The following USH2A variants were observed in gnomAD, a reference collection of about 807,000 sequenced individuals.
USH2A encodes the protein Usher syndrome 2A (autosomal recessive, mild).
A neutral mutation model predicts 538.9 loss-of-function variants in USH2A; 443 were observed. The observed-to-expected ratio is 0.82, with a 90% CI of 0.76 to 0.89. USH2A has a LOEUF of 0.89. Ranked by LOEUF, USH2A falls within the 40% of genes least tolerant of loss-of-function variation. The pLI, the probability that USH2A is intolerant of heterozygous loss-of-function variation, is 0.00. For missense variants in USH2A, 6,633 were observed against 6,324.8 expected (o/e 1.05, Z -1.65); for synonymous variants, 2,413 against 2,273.5 (o/e 1.06, Z -1.75).
chr1:215,960,323 T>C (rs2102449843), intron 37 of USH2A, among the ~76,000 whole-genome samples: 1 of 152,282 alleles, frequency 6.6e-6, no homozygotes, highest in African/African-American at 2.4e-5. Flanking sequence ...TAAAGTTTTA[T>C]TTGTATTCCC....
intron 35 of USH2A, among the ~76,000 whole-genome samples, chr1:215,979,634 G>T (rs905800131): frequency 6.6e-6 from 1 of 152,036 alleles, no homozygotes; most frequent in African/African-American, 2.4e-5. Context: ...GCAGGGATGT[G>T]GGAATGCTGC....
chr1:215,636,487 C>A (rs1260756325), intron 69 of USH2A, among the ~76,000 whole-genome samples: 1 of 152,208 alleles, frequency 6.6e-6, no homozygotes, highest in African/African-American at 2.4e-5. Context: ...TAATTAGGAA[C>A]CAATGTGTGT....
At chr1:216,371,636 A>C (rs1229085836) in intron 3 of USH2A, among the ~76,000 whole-genome samples, 1 of 152,142 alleles carries the variant, frequency 6.6e-6, no homozygotes, top group Non-Finnish European at 1.5e-5. Context: ...ATCTTGTTAG[A>C]TTCAGCCTAT....
intron 11 of USH2A, among the ~76,000 whole-genome samples, chr1:216,263,916 A>G (rs905746688): frequency 8.5e-5 from 13 of 152,178 alleles, no homozygotes; most frequent in African/African-American, 3.1e-4. Flanking sequence ...AACTAAACGA[A>G]TAAAGTTGCA....
chr1:215,937,971 G>A (rs1666549205), intron 37 of USH2A, among the ~76,000 whole-genome samples: 1 of 151,918 alleles, frequency 6.6e-6, no homozygotes. Flanking sequence ...AAATGGCATG[G>A]CAGGGGGAGA....
intron 3 of USH2A, among the ~76,000 whole-genome samples, chr1:216,374,892 G>A (rs925708585): frequency 1.3e-5 from 2 of 151,968 alleles, no homozygotes; most frequent in Non-Finnish European, 2.9e-5. Context: ...ATTTCTCCAA[G>A]GAATCCTGGT....
chr1:215,642,024 T>A lies in USH2A; in HGVS notation c.14792-1290A>T, dbSNP rs74141283. Among the ~76,000 whole-genome samples the A allele has an allele frequency of 3.9e-3, 598 of 152,324 alleles. 1 individual carries two copies. Among genetic ancestry groups the A allele is most frequent in the African/African-American group, 0.013 (554 of 41,576 alleles). ...TCACCTTAGTTCAGTAGATTTTCAC[T>A]TTTTCCCTATATCATAACAGCACAG... is the stretch of plus-strand genomic sequence containing the variant. On this transcript the variant is annotated intron_variant, in intron 67 of 71. Coordinates refer to ENST00000307340, the MANE Select transcript of USH2A (RefSeq NM_206933.4).
chr1:215,630,500 A>G (rs1335780158), intron 70 of USH2A, among the ~76,000 whole-genome samples: 16 of 120,606 alleles, frequency 1.3e-4, no homozygotes, highest in South Asian at 8.7e-4. Context: ...ATATATATAT[A>G]TATATATATA....
chr1:215,970,592 A>G (rs778949576), intron 36 of USH2A, 33 bp downstream of exon 36: 1 of 1,612,914 alleles, frequency 6.2e-7, no homozygotes, highest in South Asian at 1.1e-5. Flanking sequence ...CTGACATTTA[A>G]CACATTCCTA....
chr1:216,073,409 C>T, intron 27 of USH2A, 109 bp from the exon 28 acceptor site: 1 of 1,178,606 alleles, frequency 8.5e-7, no homozygotes, highest in Non-Finnish European at 1.2e-6. Flanking sequence ...TGGTTAGATA[C>T]AATTGCTAGA....
chr1:215,809,844 C>A (rs1662613717), intron 49 of USH2A, among the ~76,000 whole-genome samples: 1 of 152,042 alleles, frequency 6.6e-6, no homozygotes, highest in African/African-American at 2.4e-5. Flanking sequence ...ATGCCTATAC[C>A]CATCTTGGCC....
At chr1:216,185,478 G>C (rs1572029178) in intron 20 of USH2A, among the ~76,000 whole-genome samples, 1 of 151,822 alleles carries the variant, frequency 6.6e-6, no homozygotes, top group Admixed American at 6.6e-5. Context: ...CTTCCAAAAG[G>C]CTAATTACTA....
At chr1:216,169,949 G>GT (rs1443713852) in intron 21 of USH2A, among the ~76,000 whole-genome samples, 3 of 151,768 alleles carry the variant, frequency 2.0e-5, no homozygotes, top group African/African-American at 7.3e-5. Context: ...TAGTTGTTTT[G>GT]TTTTTTATTT....
At chr1:215,806,107 T>G (rs1662494405) in intron 49 of USH2A, among the ~76,000 whole-genome samples, 1 of 150,914 alleles carries the variant, frequency 6.6e-6, no homozygotes, top group Non-Finnish European at 1.5e-5. Context: ...ATTGTAAAAA[T>G]AGAAGATTGA....
Position 216,000,566 on chromosome 1 carries a change from G to C in USH2A, c.6326-4C>G, listed in dbSNP as rs756700705. On this transcript the variant is annotated splice_region_variant and splice_polypyrimidine_tract_variant and intron_variant, in intron 32 of 71. Coordinates refer to ENST00000307340, the MANE Select transcript of USH2A (RefSeq NM_206933.4). ...TGGGGTGTAAATACTGCTAAATCTAGGGGATAGGGAGAAACAAGAATTTAC... is the reference window on the plus strand; with the variant it reads ...TGGGGTGTAAATACTGCTAAATCTACGGGATAGGGAGAAACAAGAATTTAC... 1.2e-6 allele frequency: 2 copies of C among 1,613,222 alleles called. No homozygotes were observed. Among genetic ancestry groups the C allele is most frequent in the East Asian group, 2.2e-5 (1 of 44,836 alleles).
intron 44 of USH2A, among the ~76,000 whole-genome samples, chr1:215,864,360 C>A (rs933492284): frequency 1.3e-5 from 2 of 152,046 alleles, no homozygotes; most frequent in Non-Finnish European, 2.9e-5. Flanking sequence ...TTTTCAAATA[C>A]AAAAACTGTG....
chr1:216,026,085 C>T (rs184474161), intron 32 of USH2A, among the ~76,000 whole-genome samples: 38 of 152,120 alleles, frequency 2.5e-4, no homozygotes, highest in African/African-American at 8.7e-4. Context: ...TTTTTAAACT[C>T]GAACTATTTT....
chr1:215,750,427 G>T (rs1053648498), intron 58 of USH2A, among the ~76,000 whole-genome samples: 4 of 152,074 alleles, frequency 2.6e-5, no homozygotes, highest in African/African-American at 9.7e-5. Context: ...CCTGAGTGGG[G>T]CTCAGAAATA....
intron 44 of USH2A, among the ~76,000 whole-genome samples, chr1:215,846,814 A>AT (rs1482806636): frequency 6.6e-6 from 1 of 152,160 alleles, no homozygotes; most frequent in Non-Finnish European, 1.5e-5. Context: ...TCCTAGAGAC[A>AT]TTTTTTTAAC....
Sources: gnomAD v4.1 joint callset for allele counts (sites outside exome capture counted in the v4.1 genomes callset) on GRCh38, gnomAD v4.1.1 for gene constraint, MANE v1.5 for transcripts, NCBI Gene and HGNC (gene_info 2026-07-23, HGNC 2026-07-21) for gene names.